The following RPS6KA2 variants were observed in gnomAD, a reference collection of about 807,000 sequenced individuals.
RPS6KA2 encodes ribosomal protein S6 kinase alpha-2.
RPS6KA2 carries 42 observed loss-of-function variants against 91.8 expected under a neutral mutation model. The ratio of observed to expected loss-of-function variants is 0.46; its 90% confidence interval spans 0.36 to 0.59. RPS6KA2 has a LOEUF of 0.59. Ranked by LOEUF, RPS6KA2 falls within the 20% of genes least tolerant of loss-of-function variation. RPS6KA2 has a pLI of 0.00. For missense variants in RPS6KA2, 798 were observed against 978.5 expected (o/e 0.82, Z 2.46); for synonymous variants, 414 against 393.6 (o/e 1.05, Z -0.61).
intron 8 of RPS6KA2, among the ~76,000 whole-genome samples, chr6:166,497,829 T>C (rs547821208): frequency 6.6e-6 from 1 of 152,216 alleles, no homozygotes; most frequent in Non-Finnish European, 1.5e-5. Flanking sequence ...AGTTTCCTCC[T>C]GTGTGTGATG....
At chr6:166,786,393 ATTG>A (rs1477201359) in intron 2 of RPS6KA2, among the ~76,000 whole-genome samples, 5 of 152,214 alleles carry the variant, frequency 3.3e-5, no homozygotes, top group Non-Finnish European at 5.9e-5. Context: ...GAGAATAATG[ATTG>A]TTAATATGGC....
chr6:166,692,828 G>A lies in RPS6KA2; in HGVS notation c.124-154044C>T, dbSNP rs200436480. The stretch of plus-strand genomic sequence containing the variant: ...CCATAGAACTTAGAGAAGGCTTGGC[G>A]GAGGAGAGAGAGCATGTCGCCTAAG... On this transcript the variant is annotated intron_variant, in intron 2 of 21. Transcript: ENST00000503859. 3.1e-4 allele frequency among the ~76,000 whole-genome samples: 47 copies of A among 152,282 alleles called. 1 individual carries two copies. The East Asian group carries it at 4.2e-3, about 14-fold the overall frequency.
chr6:166,552,454 A>G (rs1351746400), intron 1 of RPS6KA2, among the ~76,000 whole-genome samples: 1 of 152,240 alleles, frequency 6.6e-6, no homozygotes, highest in Non-Finnish European at 1.5e-5. Context: ...TGTGGGCTTG[A>G]GAACTTTCTA....
At chr6:166,757,689 C>T (rs1019001604) in intron 2 of RPS6KA2, 22 of 439,800 alleles carry the variant, frequency 5.0e-5, no homozygotes, top group African/African-American at 2.6e-4. Context: ...GTCCTCGTCA[C>T]CAGGCAGCCA....
rs1463129643 is a variant in RPS6KA2 at position 166,627,204 on chromosome 6, G to T, written c.-185C>A. 9.6e-7 allele frequency: 1 copy of T among 1,039,600 alleles called. No individual in the cohort carries two copies. Among genetic ancestry groups the T allele is most frequent in the Non-Finnish European group, 1.2e-6 (1 of 866,524 alleles). 64.4% of individuals were successfully genotyped at this position (1,039,600 alleles called of 1,614,324 possible). A position where few individuals can be genotyped will look rare whatever the true frequency, so the allele number is the denominator to read the frequency against. On this transcript the variant is annotated 5_prime_UTR_variant, in exon 1 of 21. Coordinates refer to ENST00000265678, the MANE Select transcript of RPS6KA2 (RefSeq NM_021135.6). ...GCAGGCCGCGCCGGCCACCGCGGCC[G>T]GGGCCACAATCGCTCCCTCCGCCTC...
At chr6:166,509,938 T>C (rs896026449) in intron 4 of RPS6KA2, among the ~76,000 whole-genome samples, 1 of 152,226 alleles carries the variant, frequency 6.6e-6, no homozygotes, top group African/African-American at 2.4e-5. Flanking sequence ...TCATAGAGTA[T>C]TTTATTCTAA....
At chr6:166,631,617 C>T (rs1300904775), upstream of RPS6KA2, among the ~76,000 whole-genome samples, 1 of 152,248 alleles carries the variant, frequency 6.6e-6, no homozygotes, top group African/African-American at 2.4e-5. Context: ...GATCAAATAA[C>T]TTTCCTGGTA....
intron 14 of RPS6KA2, among the ~76,000 whole-genome samples, chr6:166,436,162 G>A (rs1240578900): frequency 6.6e-6 from 1 of 152,170 alleles, no homozygotes; most frequent in Non-Finnish European, 1.5e-5. Context: ...GACACCGCCA[G>A]GCAAGGGACT....
At chr6:166,468,856 T>TAAAAAAA (rs1554277712) in intron 11 of RPS6KA2, among the ~76,000 whole-genome samples, 1 of 112,174 alleles carries the variant, frequency 8.9e-6, no homozygotes. Flanking sequence ...AGAGCGAGAC[T>TAAAAAAA]AAAAAAAAAA....
At chr6:166,519,904 G>T (rs1251904076) in intron 3 of RPS6KA2, among the ~76,000 whole-genome samples, 1 of 152,180 alleles carries the variant, frequency 6.6e-6, no homozygotes, top group East Asian at 1.9e-4. Flanking sequence ...TGGGCTAAGA[G>T]ATGCCCAGAG....
intron 2 of RPS6KA2, among the ~76,000 whole-genome samples, chr6:166,652,003 C>T (rs1787868099): frequency 6.6e-6 from 1 of 152,234 alleles, no homozygotes; most frequent in Admixed American, 6.5e-5. Flanking sequence ...TTTCACTAAC[C>T]CTTTATTTAC....
intron 2 of RPS6KA2, among the ~76,000 whole-genome samples, chr6:166,693,837 C>T (rs1789282135): frequency 6.6e-6 from 1 of 152,142 alleles, no homozygotes; most frequent in African/African-American, 2.4e-5. Flanking sequence ...AAACAAGTTC[C>T]ACTCACCAAG....
intron 2 of RPS6KA2, among the ~76,000 whole-genome samples, chr6:166,724,662 G>T (rs573459373): frequency 6.6e-6 from 1 of 152,158 alleles, no homozygotes; most frequent in Non-Finnish European, 1.5e-5. Context: ...TTTTCCTGCC[G>T]CCTGTTTCTA....
At chr6:166,673,424 A>G (rs1229160132) in intron 2 of RPS6KA2, among the ~76,000 whole-genome samples, 1 of 152,194 alleles carries the variant, frequency 6.6e-6, no homozygotes, top group Non-Finnish European at 1.5e-5. Flanking sequence ...CAGTCAGTCA[A>G]CAAGGACCCT....
Position 166,508,379 on chromosome 6 carries a change from G to T in RPS6KA2, c.380-97C>A, listed in dbSNP as rs1026294257. 1 of 792,486 alleles carries T rather than the reference G, an allele frequency of 1.3e-6. No individual in the cohort carries two copies. Among genetic ancestry groups the T allele is most frequent in the Non-Finnish European group, 2.1e-6 (1 of 469,002 alleles). 49.1% of individuals were successfully genotyped at this position (792,486 alleles called of 1,614,324 possible). On this transcript the variant is annotated intron_variant, in intron 4 of 20. Transcript: ENST00000265678. The surrounding 1 kb of genome is among the most constrained non-coding windows in gnomAD (Gnocchi z 4.3). ...CCCTGCTCACGGTGCTGCTTACTCC[G>T]GGAGGCTGAGTCACTTGAGAAACGG...
In RPS6KA2 at chr6:166,825,854, C is replaced by A. The variant is rs1043735410; in HGVS notation, c.123+32346G>T. Among the ~76,000 whole-genome samples, 1 of 152,194 alleles carries A rather than the reference C, an allele frequency of 6.6e-6. No homozygotes were observed. The highest frequency in any genetic ancestry group is 1.5e-5 in the Non-Finnish European group (1 of 68,042). ...ATTTCAACACGAATTCTGGGAGAGA[C>A]ACAAGCATTCAGACCACAGCACAGA... On this transcript the variant is annotated intron_variant, in intron 2 of 21. Transcript: ENST00000503859. This position sits in a 1 kb window ranked among gnomAD's most constrained non-coding sequence, Gnocchi z 4.1.
intron 1 of RPS6KA2, among the ~76,000 whole-genome samples, chr6:166,610,187 C>T (rs1041796118): frequency 5.9e-5 from 9 of 152,156 alleles, no homozygotes; most frequent in Non-Finnish European, 8.8e-5. Context: ...TCAACTACAA[C>T]GTGAGGCACG....
chr6:166,668,595 T>G (rs1788384900), intron 2 of RPS6KA2, among the ~76,000 whole-genome samples: 1 of 152,102 alleles, frequency 6.6e-6, no homozygotes, highest in African/African-American at 2.4e-5. Flanking sequence ...AGCAGCTCCT[T>G]AGACCGAGGG....
chr6:166,413,756 A>G, intron 20 of RPS6KA2, 38 bp downstream of exon 20: 13 of 1,607,398 alleles, frequency 8.1e-6, no homozygotes, highest in Non-Finnish European at 1.0e-5. Context: ...TGGGTTTCCC[A>G]TTCCCACCAC....
Sources: allele counts gnomAD v4.1 joint callset (sites outside exome capture counted in the v4.1 genomes callset), GRCh38; gene constraint gnomAD v4.1.1; non-coding constraint Gnocchi (gnomAD v3.1); transcripts MANE v1.5; gene names NCBI Gene and HGNC (gene_info 2026-07-23, HGNC 2026-07-21).